Variants in ZNF469 observed in about 807,000 individuals in gnomAD.
ZNF469 encodes the protein zinc finger protein 469.
Under a neutral mutation model 1.0 loss-of-function variants are expected in ZNF469, and 1 was observed. The ratio of observed to expected loss-of-function variants is 1.00; its 90% CI spans 0.35 to 4.73. The LOEUF (loss-of-function observed/expected upper bound fraction) is 4.73. Among genes scored for constraint, ZNF469 ranks in the 30% most tolerant of loss-of-function variants. ZNF469 has a pLI of 0.16. For synonymous variants in ZNF469, 2,703 were observed against 2,363.4 expected (o/e 1.14, Z -4.17); for missense variants, 6,100 against 5,356.3 (o/e 1.14, Z -4.33).
the ZNF469 span, among the ~76,000 whole-genome samples, chr16:88,239,491 C>CTT: frequency 1.5e-5 from 2 of 135,970 alleles, no homozygotes; most frequent in African/African-American, 2.7e-5. Flanking sequence ...GATGGTCTCT[C>CTT]TTTTTTTTTT....
chr16:88,342,286 C>G, the ZNF469 span, among the ~76,000 whole-genome samples: 1 of 152,076 alleles, frequency 6.6e-6, no homozygotes, highest in East Asian at 1.9e-4. Context: ...ACTTGAGTCT[C>G]TGCCTCCCCT....
chr16:88,352,499 G>C, the ZNF469 span, among the ~76,000 whole-genome samples: 10 of 152,236 alleles, frequency 6.6e-5, no homozygotes, highest in African/African-American at 2.2e-4. Context: ...GGGCACACTG[G>C]GCACCATGGC....
the ZNF469 span, among the ~76,000 whole-genome samples, chr16:88,308,668 G>A: frequency 6.6e-6 from 1 of 152,284 alleles, no homozygotes; most frequent in African/African-American, 2.4e-5. Context: ...ACTGGGCATG[G>A]TGAGGGCTGG....
the ZNF469 span, among the ~76,000 whole-genome samples, chr16:88,126,944 C>G: frequency 1.7e-4 from 26 of 152,004 alleles, no homozygotes; most frequent in Admixed American, 2.6e-4. Flanking sequence ...CTCAGCCTCC[C>G]GAGTAGCTGG....
chr16:88,370,926 A>C, the ZNF469 span, among the ~76,000 whole-genome samples: 6 of 152,232 alleles, frequency 3.9e-5, no homozygotes, highest in Admixed American at 3.9e-4. Flanking sequence ...AATCCCTGCC[A>C]TGTGAGTGAG....
the ZNF469 span, among the ~76,000 whole-genome samples, chr16:88,303,081 A>G: frequency 1.1e-4 from 16 of 152,124 alleles, no homozygotes; most frequent in Non-Finnish European, 2.1e-4. Context: ...CGGCTGAAGG[A>G]CAGGTTCCCT....
the ZNF469 span, among the ~76,000 whole-genome samples, chr16:88,304,242 G>A: frequency 3.9e-5 from 6 of 152,286 alleles, no homozygotes; most frequent in African/African-American, 1.4e-4. Context: ...CGGATGCCCC[G>A]ACAGCCCAGC....
chr16:88,244,525 G>T, the ZNF469 span, among the ~76,000 whole-genome samples: 582 of 150,414 alleles, frequency 3.9e-3, 5 homozygotes, highest in African/African-American at 0.013. Flanking sequence ...GGATGGATCA[G>T]TGAATTGATG....
chr16:88,234,813 C>T, the ZNF469 span: 1 of 152,226 alleles, frequency 6.6e-6, no homozygotes, highest in South Asian at 2.1e-4. Context: ...GCCTCGTTCC[C>T]ATCAGATAAA....
At chr16:88,380,145 ACACACAAATGCACTCACAGACATGCACT>A (rs796325507), upstream of ZNF469, among the ~76,000 whole-genome samples, 1 of 151,548 alleles carries the variant, frequency 6.6e-6, no homozygotes, top group Non-Finnish European at 1.5e-5. Context: ...ACACACACTC[ACACACAAATGCACTCACAGACATGCACT>A]CACACACAAA....
the ZNF469 span, among the ~76,000 whole-genome samples, chr16:88,246,103 G>A: frequency 2.0e-5 from 3 of 152,270 alleles, no homozygotes; most frequent in Admixed American, 2.0e-4. Flanking sequence ...AGCCCCTGGA[G>A]GGCCTCATTC....
chr16:88,265,821 T>G, the ZNF469 span, among the ~76,000 whole-genome samples: 7 of 149,130 alleles, frequency 4.7e-5, no homozygotes, highest in African/African-American at 1.7e-4. Flanking sequence ...GGATCCCCGC[T>G]GGCTTCTCCA....
At chr16:88,357,871 G>C in the ZNF469 span, among the ~76,000 whole-genome samples, 18 of 152,058 alleles carry the variant, frequency 1.2e-4, no homozygotes, top group African/African-American at 3.9e-4. Flanking sequence ...GGAGGGAGCC[G>C]GTGGCAGGGC....
the ZNF469 span, among the ~76,000 whole-genome samples, chr16:88,186,005 A>T: frequency 6.6e-6 from 1 of 152,176 alleles, no homozygotes; most frequent in African/African-American, 2.4e-5. Context: ...ACATTCGCAC[A>T]CTCAGAGTGC....
At chr16:88,228,075 C>T in the ZNF469 span, among the ~76,000 whole-genome samples, 2 of 152,364 alleles carry the variant, frequency 1.3e-5, no homozygotes, top group South Asian at 4.1e-4. Flanking sequence ...GCATTTAGGG[C>T]CCCCGATCCA....
chr16:88,249,429 CTTTTTTTTT>C, the ZNF469 span, among the ~76,000 whole-genome samples: 1 of 63,614 alleles, frequency 1.6e-5, no homozygotes, highest in African/African-American at 8.4e-5. Context: ...TTTTCTTTTT[CTTTTTTTTT>C]TTTTTTTTTT....
chr16:88,133,976 T>A, the ZNF469 span, among the ~76,000 whole-genome samples: 1 of 151,986 alleles, frequency 6.6e-6, no homozygotes, highest in Non-Finnish European at 1.5e-5. Flanking sequence ...GCGCCTGTCA[T>A]CCCAGCTACT....
the ZNF469 span, among the ~76,000 whole-genome samples, chr16:88,238,497 C>G: frequency 6.6e-6 from 1 of 152,194 alleles, no homozygotes; most frequent in Admixed American, 6.5e-5. Flanking sequence ...CCCAGATAGA[C>G]TCTAGGTAGA....
the ZNF469 span, among the ~76,000 whole-genome samples, chr16:88,254,719 T>C: frequency 9.9e-5 from 15 of 152,268 alleles, no homozygotes; most frequent in Admixed American, 7.2e-4. Flanking sequence ...GATTGCATCA[T>C]TGCACTCCAG....
Sources: allele counts gnomAD v4.1 joint callset (sites outside exome capture counted in the v4.1 genomes callset), GRCh38; gene constraint gnomAD v4.1.1; transcripts MANE v1.5; gene names NCBI Gene and HGNC (gene_info 2026-07-23, HGNC 2026-07-21).